Variants in ABCG1 observed in about 807,000 individuals in gnomAD.
ABCG1 encodes ATP-binding cassette sub-family G member 1.
ABCG1 carries 29 observed loss-of-function variants against 69.2 expected under a neutral mutation model. The observed-to-expected ratio is 0.42, with a 90% CI of 0.31 to 0.57. ABCG1 has a LOEUF of 0.57. Ranked by LOEUF, ABCG1 falls within the 20% of genes least tolerant of loss-of-function variation. The pLI, the probability that ABCG1 is intolerant of heterozygous loss-of-function variation, is 0.15. For missense variants in ABCG1, 718 were observed against 898.1 expected (o/e 0.80, Z 2.56); for synonymous variants, 370 against 374.8 (o/e 0.99, Z 0.15).
At chr21:42,234,954 T>C (rs1320390883) in intron 2 of ABCG1, among the ~76,000 whole-genome samples, 1 of 152,018 alleles carries the variant, frequency 6.6e-6, no homozygotes, top group African/African-American at 2.4e-5. Context: ...AGCGGCGCGA[T>C]TGGCTGCGGG....
At position 42,287,954 on chromosome 21, in the gene ABCG1, G is replaced by T; in HGVS notation, c.1039G>T (p.Gly347Cys). The T allele has an allele frequency of 6.2e-7, 1 of 1,613,766 alleles. No homozygotes were observed. Among genetic ancestry groups the T allele is most frequent in the Middle Eastern group, 1.7e-4 (1 of 6,060 alleles). ...NSRLVRAVRE[G>C]MCDSDHKRDL... is the part of the protein sequence containing the mutation. Reference sequence around the variant, plus strand: ...TCGGCTGGTGAGAGCGGTTCGGGAGGGCATGTGTGACTCAGACCACAAGAG... The same window carrying T: ...TCGGCTGGTGAGAGCGGTTCGGGAGTGCATGTGTGACTCAGACCACAAGAG... The change falls in exon 9 of 15, where the codon GGC (glycine) becomes TGC (cysteine). Residue 347 changes from glycine to cysteine, a missense_variant. Transcript: ENST00000398449. This position sits in a 1 kb window ranked among gnomAD's most constrained non-coding sequence, Gnocchi z 6.2.
At chr21:42,241,003 A>G (rs558926547) in intron 2 of ABCG1, among the ~76,000 whole-genome samples, 102 of 152,278 alleles carry the variant, frequency 6.7e-4, no homozygotes, top group Admixed American at 1.2e-3. Context: ...GGGCATGGGC[A>G]GACCCTCTGA....
At chr21:42,260,547 C>T (rs1035005566) in intron 2 of ABCG1, among the ~76,000 whole-genome samples, 1 of 152,174 alleles carries the variant, frequency 6.6e-6, no homozygotes, top group Non-Finnish European at 1.5e-5. Context: ...CCCAACTCCC[C>T]AGTGACCCCC....
At chr21:42,218,173 G>C (rs567290417), upstream of ABCG1, among the ~76,000 whole-genome samples, 1 of 152,320 alleles carries the variant, frequency 6.6e-6, no homozygotes, top group East Asian at 1.9e-4. Context: ...GCTCATCTGA[G>C]GTGTGGTTGG....
chr21:42,265,219 G>C (rs1465306566), intron 2 of ABCG1, among the ~76,000 whole-genome samples: 1 of 152,216 alleles, frequency 6.6e-6, no homozygotes, highest in African/African-American at 2.4e-5. Flanking sequence ...CCTCCTGGAG[G>C]CTGCATCCAG....
At chr21:42,212,914 C>T (rs575964926), upstream of ABCG1, among the ~76,000 whole-genome samples, 25 of 152,196 alleles carry the variant, frequency 1.6e-4, no homozygotes, top group Admixed American at 5.9e-4. Flanking sequence ...AGGATGGTCT[C>T]GATCTCCTGA....
At chr21:42,202,756 T>A (rs1385510794) in intron 2 of ABCG1, among the ~76,000 whole-genome samples, 1 of 152,122 alleles carries the variant, frequency 6.6e-6, no homozygotes, top group Non-Finnish European at 1.5e-5. Context: ...AGACTACAGG[T>A]GCCCACCACC....
At chr21:42,285,705 T>G (rs1306482489) in intron 7 of ABCG1, among the ~76,000 whole-genome samples, 175 bp from the exon 8 acceptor site, 2 of 152,148 alleles carry the variant, frequency 1.3e-5, no homozygotes, top group Admixed American at 6.5e-5. Context: ...TGGCTTTCCC[T>G]TCAGATGTTA....
chr21:42,212,118 C>T (rs1269513483), upstream of ABCG1, among the ~76,000 whole-genome samples: 1 of 152,172 alleles, frequency 6.6e-6, no homozygotes, highest in Non-Finnish European at 1.5e-5. Context: ...TTGGACTTCC[C>T]AGCCTCTAGA....
At chr21:42,250,857 G>A (rs531111818) in intron 2 of ABCG1, among the ~76,000 whole-genome samples, 20 of 152,196 alleles carry the variant, frequency 1.3e-4, no homozygotes, top group African/African-American at 3.6e-4. Context: ...GGGTGTGTGC[G>A]GGGTATAGGA....
Position 42,285,981 on chromosome 21 carries a change from C to G in ABCG1, c.960C>G (p.Asn320Lys). The G allele has an allele frequency of 6.2e-7, 1 of 1,612,788 alleles. No individual in the cohort carries two copies. Among genetic ancestry groups the G allele is most frequent in the Non-Finnish European group, 8.5e-7 (1 of 1,178,842 alleles). The change falls in exon 8 of 15, where the codon AAC becomes AAG. Residue 320 changes from asparagine to lysine, a missense_variant. Coordinates refer to ENST00000398449, the MANE Select transcript of ABCG1 (RefSeq NM_016818.3). ...DLGLNCPTYH[N>K]PADFVMEVAS... is the part of the protein sequence containing the mutation. ...GTCTGAACTGCCCAACCTACCACAA[C>G]CCAGCAGATTTTGGTAAGCGGAGTC... is the stretch of plus-strand genomic sequence containing the variant.
chr21:42,272,654 A>G (rs761470108), intron 3 of ABCG1, among the ~76,000 whole-genome samples: 2 of 152,270 alleles, frequency 1.3e-5, no homozygotes, highest in Non-Finnish European at 2.9e-5. Flanking sequence ...GGCAGGCAGC[A>G]GAGGCGCACA....
intron 2 of ABCG1, among the ~76,000 whole-genome samples, chr21:42,236,856 C>G (rs1010616017): frequency 2.6e-5 from 4 of 152,224 alleles, no homozygotes; most frequent in African/African-American, 9.6e-5. Flanking sequence ...AGAATGTACT[C>G]TACACAAAAG....
Position 42,291,428 on chromosome 21 carries a change from A to T in ABCG1, c.1495-70A>T. 6.4e-7 allele frequency: 1 copy of T among 1,558,148 alleles called. No homozygotes were observed. Among genetic ancestry groups the T allele is most frequent in the Non-Finnish European group, 8.7e-7 (1 of 1,146,014 alleles). ...AGCTGCGGGGAAGGGCTGGCTGCCC[A>T]GGAGCTTTGCTGTTGGCCTGCTGTG... is the stretch of plus-strand genomic sequence containing the variant. On this transcript the variant is annotated intron_variant, in intron 12 of 14. Coordinates refer to ENST00000398449, the MANE Select transcript of ABCG1 (RefSeq NM_016818.3). This position sits in a 1 kb window ranked among gnomAD's most constrained non-coding sequence, Gnocchi z 6.4.
chr21:42,278,004 C>T (rs1005622654), intron 5 of ABCG1, among the ~76,000 whole-genome samples: 3 of 152,202 alleles, frequency 2.0e-5, no homozygotes, highest in South Asian at 2.1e-4. Flanking sequence ...CCCGTGTCAC[C>T]GGGGCTGGGG....
chr21:42,293,638 A>G lies in ABCG1; in HGVS notation c.1654-904A>G, dbSNP rs573657482. Among the ~76,000 whole-genome samples, 7 of 145,360 alleles carry G rather than the reference A, an allele frequency of 4.8e-5. No individual in the cohort carries two copies. The South Asian group carries it at 1.3e-3, about 27-fold the overall frequency. ...ACTACACACTACACACCACACACAC[A>G]CCACACACACTACACACCACACACT... On this transcript the variant is annotated intron_variant, in intron 13 of 14. Coordinates refer to ENST00000398449, the MANE Select transcript of ABCG1 (RefSeq NM_016818.3).
At position 42,219,307 on chromosome 21, in the gene ABCG1, G is replaced by T; in HGVS notation, c.42+3G>T. The T allele has an allele frequency of 6.3e-7, 1 of 1,597,888 alleles. No homozygotes were observed. On this transcript the variant is annotated splice_donor_region_variant and intron_variant, in intron 1 of 14. Coordinates refer to ENST00000398449, the MANE Select transcript of ABCG1 (RefSeq NM_016818.3). This position sits in a 1 kb window ranked among gnomAD's most constrained non-coding sequence, Gnocchi z 5.3. ...CTTTCTCGGTCGGCACCGCCATGGT[G>T]AGTGAGCGCATCCTTCGTCCGCCGG...
chr21:42,289,898 G>T, intron 10 of ABCG1, 152 bp from the exon 11 acceptor site: 1 of 795,134 alleles, frequency 1.3e-6, no homozygotes, highest in Non-Finnish European at 2.0e-6. Context: ...TTAGGGTTTG[G>T]CTTGTTTCTC....
intron 2 of ABCG1, among the ~76,000 whole-genome samples, chr21:42,248,117 T>C (rs2068160433): frequency 6.6e-6 from 1 of 152,148 alleles, no homozygotes; most frequent in Non-Finnish European, 1.5e-5. Flanking sequence ...GTAGGAAGCA[T>C]AGAGAGGAGG....
Sources: gnomAD v4.1 joint callset for allele counts (sites outside exome capture counted in the v4.1 genomes callset) on GRCh38, gnomAD v4.1.1 for gene constraint, Gnocchi (gnomAD v3.1) non-coding constraint, MANE v1.5 for transcripts, NCBI Gene and HGNC (gene_info 2026-07-23, HGNC 2026-07-21) for gene names.